CFHR4: variants seen among roughly 807,000 people sequenced by gnomAD.
The protein encoded by CFHR4 is complement factor H related 4, also known as complement factor H-related protein 4.
CFHR4 carries 64 observed loss-of-function variants against 69.3 expected under a neutral mutation model. The observed-to-expected ratio is 0.92, with a 90% CI of 0.76 to 1.14. CFHR4 has a LOEUF of 1.14. Among genes scored for constraint, CFHR4 ranks in the 50% most tolerant of loss-of-function variants. The pLI is 0.00. For synonymous variants in CFHR4, 244 were observed against 237.0 expected (o/e 1.03, Z -0.27); for missense variants, 636 against 684.9 (o/e 0.93, Z 0.80).
At chr1:196,902,735 C>G in intron 2 of CFHR4, 120 bp downstream of exon 2, 1 of 678,634 alleles carries the variant, frequency 1.5e-6, no homozygotes, top group South Asian at 2.4e-5. Flanking sequence ...GTTGTTCAAG[C>G]AAAAAGACCA....
In CFHR4 at chr1:196,905,245, A is replaced by G. The variant is rs1329001053; in HGVS notation, c.394A>G (p.Ile132Val). 2 of 1,611,482 alleles carry G rather than the reference A, an allele frequency of 1.2e-6. No homozygotes were observed. The highest frequency in any genetic ancestry group is 2.7e-5 in the African/African-American group (2 of 74,352). The change falls in exon 3 of 10, where the codon ATT becomes GTT. Residue 132 changes from isoleucine (I) to valine (V), a missense_variant. Physicochemically the swap from Ile to Val is conservative, Grantham distance 29 (BLOSUM62 3). Transcript: ENST00000608469. Reference protein sequence around the residue: ...ATAEGNSSGSITCLQNGWSTQ... With the variant: ...ATAEGNSSGSVTCLQNGWSTQ... ...AGCAGAGGGAAATTCTTCAGGATCA[A>G]TTACATGTTTGCAAAATGGATGGTC...
intron 6 of CFHR4, among the ~76,000 whole-genome samples, chr1:196,911,159 T>C (rs1336257761): frequency 6.6e-6 from 1 of 151,640 alleles, no homozygotes; most frequent in East Asian, 1.9e-4. Context: ...GAAAATTTTG[T>C]ATATCAACTC....
chr1:196,914,895 A>G, intron 8 of CFHR4, 61 bp from the exon 9 acceptor site: 1 of 1,564,496 alleles, frequency 6.4e-7, no homozygotes, highest in South Asian at 1.1e-5. Context: ...AAAAAGCTTT[A>G]TTTAGAAAGT....
In CFHR4 at chr1:196,900,066, A is replaced by T. The variant is rs146368701; in HGVS notation, c.59-2352A>T. Among the ~76,000 whole-genome samples the T allele has an allele frequency of 1.6e-4, 25 of 151,628 alleles. 2 individuals carry two copies. In the East Asian group the frequency reaches 4.8e-3, roughly 29 times the overall value. On this transcript the variant is annotated intron_variant, in intron 1 of 9. Coordinates refer to ENST00000608469, the MANE Select transcript of CFHR4 (RefSeq NM_001201550.3). The stretch of plus-strand genomic sequence containing the variant: ...TGCAAAGCTAAATCTAAAAAAATTA[A>T]ATTTAGTAGTGGTAACTGTAAGATC...
At chr1:196,913,350 G>A (rs1279007049) in intron 7 of CFHR4, among the ~76,000 whole-genome samples, 1 of 151,404 alleles carries the variant, frequency 6.6e-6, no homozygotes, top group African/African-American at 2.4e-5. Context: ...CTGAATTTCT[G>A]CTAGCATCAG....
intron 9 of CFHR4, among the ~76,000 whole-genome samples, chr1:196,916,533 C>G (rs796529974): frequency 2.0e-5 from 3 of 151,786 alleles, no homozygotes; most frequent in East Asian, 3.9e-4. Context: ...ATTATTGTCC[C>G]CTACTTAGGT....
At chr1:196,913,829 A>C (rs1658418966) in intron 7 of CFHR4, among the ~76,000 whole-genome samples, 1 of 151,444 alleles carries the variant, frequency 6.6e-6, no homozygotes, top group Non-Finnish European at 1.5e-5. Context: ...CTAAGTGAGA[A>C]AAAAGAAAGA....
chr1:196,894,642 G>T (rs1657195996), intron 1 of CFHR4, among the ~76,000 whole-genome samples: 1 of 151,184 alleles, frequency 6.6e-6, no homozygotes, highest in African/African-American at 2.4e-5. Context: ...CAATGCCTCT[G>T]GCCTATAAAC....
In CFHR4 at chr1:196,908,971, A is replaced by G. The variant is rs559064664; in HGVS notation, c.800-1310A>G. 9.9e-5 allele frequency among the ~76,000 whole-genome samples: 15 copies of G among 151,636 alleles called. No homozygotes were observed. In the South Asian group the frequency reaches 3.1e-3, roughly 31 times the overall value. On this transcript the variant is annotated intron_variant, in intron 5 of 9. Transcript: ENST00000608469. ...CCTTAATTATTGTCCCTATTTATGTATCCACTTCTGTAGATGATCATGTGT... is the reference window on the plus strand; with the variant it reads ...CCTTAATTATTGTCCCTATTTATGTGTCCACTTCTGTAGATGATCATGTGT...
rs1164671931 is a variant in CFHR4 at position 196,899,650 on chromosome 1, T to G, written c.59-2768T>G. Among the ~76,000 whole-genome samples the G allele has an allele frequency of 2.0e-5, 3 of 151,618 alleles. 1 individual carries two copies. Among genetic ancestry groups the G allele is most frequent in the Non-Finnish European group, 4.4e-5 (3 of 67,976 alleles). On this transcript the variant is annotated intron_variant, in intron 1 of 9. Transcript: ENST00000608469. Reference sequence around the variant, plus strand: ...ATTGTAACTGTGAAACCAATTTCACTGTGCATAAAAACTATAAGGTAAATA... The same window carrying G: ...ATTGTAACTGTGAAACCAATTTCACGGTGCATAAAAACTATAAGGTAAATA...
chr1:196,911,080 G>A (rs886772044), intron 6 of CFHR4, among the ~76,000 whole-genome samples: 11 of 151,390 alleles, frequency 7.3e-5, no homozygotes, highest in African/African-American at 1.5e-4. Context: ...AGATGCATTC[G>A]TGTCAGTTAG....
At position 196,907,049 on chromosome 1, in the gene CFHR4, AT is replaced by A; in HGVS notation, c.616+14del. On this transcript the variant is annotated intron_variant, in intron 4 of 9. Transcript: ENST00000608469. Reference sequence around the variant, plus strand: ...GCCAACATGCTATAGTAAGTATTTTATTCAAGTATTTCTTTTTACTAGAATT... The same window carrying A: ...GCCAACATGCTATAGTAAGTATTTTATCAAGTATTTCTTTTTACTAGAATT... 3 of 1,595,174 alleles carry A rather than the reference AT, an allele frequency of 1.9e-6. No individual in the cohort carries two copies. In the East Asian group the frequency reaches 6.8e-5, roughly 36 times the overall value.
At chr1:196,907,233 T>C (rs907844747) in intron 4 of CFHR4, 83 bp from the exon 5 acceptor site, 4 of 1,290,062 alleles carry the variant, frequency 3.1e-6, no homozygotes, top group Non-Finnish European at 4.4e-6. Flanking sequence ...ATAAGATACA[T>C]TTAAGAGTAT....
intron 6 of CFHR4, among the ~76,000 whole-genome samples, chr1:196,910,723 G>C (rs540744313): frequency 7.3e-5 from 11 of 151,508 alleles, no homozygotes; most frequent in African/African-American, 2.7e-4. Context: ...AAAAACTAAA[G>C]ATAAGTAACA....
In CFHR4 at chr1:196,907,055, G is replaced by GT; in HGVS notation, c.616+19dup. 6.3e-7 allele frequency: 1 copy of GT among 1,587,560 alleles called. No individual in the cohort carries two copies. The highest frequency in any genetic ancestry group is 1.1e-5 in the South Asian group (1 of 88,344). The stretch of plus-strand genomic sequence containing the variant: ...ATGCTATAGTAAGTATTTTATTCAA[G>GT]TATTTCTTTTTACTAGAATTAAACA... On this transcript the variant is annotated intron_variant, in intron 4 of 9. Coordinates refer to ENST00000608469, the MANE Select transcript of CFHR4 (RefSeq NM_001201550.3).
At position 196,913,855 on chromosome 1, in the gene CFHR4, A is replaced by G. The variant is rs146048277; in HGVS notation, c.1181-640A>G. Among the ~76,000 whole-genome samples, 496 of 151,486 alleles carry G rather than the reference A, an allele frequency of 3.3e-3. 15 individuals are homozygous for G. Among genetic ancestry groups the G allele is most frequent in the African/African-American group, 0.011 (463 of 41,142 alleles). On this transcript the variant is annotated intron_variant, in intron 7 of 9. Transcript: ENST00000608469. ...AAAAGAAAGACACATTTACAAAGTG[A>G]TTATCTCAATGTTACCATGAGTTTT...
At chr1:196,905,546 A>C (rs1657863572) in intron 3 of CFHR4, among the ~76,000 whole-genome samples, 1 of 151,428 alleles carries the variant, frequency 6.6e-6, no homozygotes, top group East Asian at 1.9e-4. Context: ...GGTACAGACT[A>C]GTTAGGGAGC....
At chr1:196,910,019 G>A (rs1658155338) in intron 5 of CFHR4, among the ~76,000 whole-genome samples, 1 of 150,404 alleles carries the variant, frequency 6.6e-6, no homozygotes, top group Non-Finnish European at 1.5e-5. Context: ...GGGCGTGGTG[G>A]TGTGTGCCCA....
intron 9 of CFHR4, 29 bp from the exon 10 acceptor site, chr1:196,918,181 T>A: frequency 3.8e-6 from 6 of 1,591,582 alleles, no homozygotes; most frequent in Non-Finnish European, 4.3e-6. Flanking sequence ...AAGATTATGA[T>A]TGTTAATTGT....
Sources: allele counts gnomAD v4.1 joint callset (sites outside exome capture counted in the v4.1 genomes callset), GRCh38; gene constraint gnomAD v4.1.1; transcripts MANE v1.5; gene names NCBI Gene and HGNC (gene_info 2026-07-23, HGNC 2026-07-21).